PLEKHA7: variants seen among roughly 807,000 people sequenced by gnomAD.
PLEKHA7 encodes the protein pleckstrin homology domain containing A7, also known as pleckstrin homology domain-containing family A member 7.
PLEKHA7 carries 104 observed loss-of-function variants against 170.0 expected under a neutral mutation model. That is an observed-to-expected ratio of 0.61 (90% confidence interval 0.52 to 0.72). The LOEUF (loss-of-function observed/expected upper bound fraction) is 0.72, where lower values mean the gene tolerates loss of function less well. PLEKHA7 is among the 30% of genes least tolerant of loss of function. The probability of loss-of-function intolerance (pLI) is 0.00; values close to 1 mark genes in which losing one functional copy is unlikely to be tolerated. For synonymous variants in PLEKHA7, 648 were observed against 660.8 expected (o/e 0.98, Z 0.30); for missense variants, 1,615 against 1,671.7 (o/e 0.97, Z 0.59).
At position 16,778,623 on chromosome 11, in the gene PLEKHA7, C is replaced by CACCCCTATT; in HGVS notation, c.*374_*375insAATAGGGGT. On this transcript the variant is annotated 3_prime_UTR_variant, in exon 27 of 27. Coordinates refer to ENST00000531066, the MANE Select transcript of PLEKHA7 (RefSeq NM_001329630.2). The stretch of plus-strand genomic sequence containing the variant: ...GCCTCGGCTTGCCCCGCCCTTCCTG[C>CACCCCTATT]CCCCACAACACCTGTCACCCAGAAG... 2 of 275,610 alleles carry CACCCCTATT rather than the reference C, an allele frequency of 7.3e-6. No homozygotes were observed. The highest frequency in any genetic ancestry group is 1.4e-5 in the Non-Finnish European group (2 of 140,236). 17.1% of individuals were successfully genotyped at this position (275,610 alleles called of 1,614,324 possible). A position where few individuals can be genotyped will look rare whatever the true frequency, so the allele number is the denominator to read the frequency against.
chr11:16,962,813 A>C (rs1242372712), intron 3 of PLEKHA7, among the ~76,000 whole-genome samples: 1 of 152,192 alleles, frequency 6.6e-6, no homozygotes, highest in Non-Finnish European at 1.5e-5. Flanking sequence ...TTGTGTTTCT[A>C]AGAATGTCTC....
rs1847831988 is a variant in PLEKHA7 at position 16,791,243 on chromosome 11, T to C, written c.2746-44A>G. On this transcript the variant is annotated intron_variant, in intron 19 of 26. Coordinates refer to ENST00000531066, the MANE Select transcript of PLEKHA7 (RefSeq NM_001329630.2). The surrounding 1 kb of genome is among the most constrained non-coding windows in gnomAD (Gnocchi z 4.5). ...AGACCAGTGGTCAGCGAGACGGAGC[T>C]GGAGGGAGGACTGCTAGGTACTGCC... 6.5e-7 allele frequency: 1 copy of C among 1,527,616 alleles called. No individual in the cohort carries two copies. Among genetic ancestry groups the C allele is most frequent in the Admixed American group, 2.0e-5 (1 of 49,534 alleles). 94.6% of individuals were successfully genotyped at this position (1,527,616 alleles called of 1,614,324 possible).
At chr11:16,892,457 TTG>T (rs1376469671) in intron 3 of PLEKHA7, among the ~76,000 whole-genome samples, 2,989 of 118,094 alleles carry the variant, frequency 0.025, 53 homozygotes, top group Non-Finnish European at 0.038. Context: ...TTGTTTTGTT[TTG>T]TTTTGAGATA....
At chr11:16,890,914 T>C (rs1590496854) in intron 3 of PLEKHA7, among the ~76,000 whole-genome samples, 1 of 152,204 alleles carries the variant, frequency 6.6e-6, no homozygotes, top group East Asian at 1.9e-4. Context: ...TTTTCAAATG[T>C]CTTTAGAGTC....
intron 3 of PLEKHA7, among the ~76,000 whole-genome samples, chr11:17,001,634 T>TA (rs1864668209): frequency 6.6e-6 from 1 of 151,744 alleles, no homozygotes; most frequent in Admixed American, 6.6e-5. Context: ...CCCTGCACCA[T>TA]AGAGTGTGAT....
chr11:16,888,562 G>C (rs1446986670), intron 3 of PLEKHA7, among the ~76,000 whole-genome samples: 12 of 152,296 alleles, frequency 7.9e-5, no homozygotes, highest in African/African-American at 2.9e-4. Flanking sequence ...CGTGCTCTCT[G>C]AAACATGTGC....
chr11:16,824,346 G>T lies in PLEKHA7; in HGVS notation c.1343+1774C>A, dbSNP rs140647792. ...GTTCGAATCCAGCCTGGTCAACATA[G>T]CAAGATTACATCTTTATTTTAATTT... On this transcript the variant is annotated intron_variant, in intron 10 of 26. Transcript: ENST00000531066. Among the ~76,000 whole-genome samples, 6 of 152,214 alleles carry T rather than the reference G, an allele frequency of 3.9e-5. No individual in the cohort carries two copies. In the East Asian group the frequency reaches 7.7e-4, roughly 20 times the overall value.
chr11:16,790,224 C>G, intron 21 of PLEKHA7: 1 of 303,396 alleles, frequency 3.3e-6, no homozygotes, highest in Non-Finnish European at 6.3e-6. Flanking sequence ...CCTGCACAAC[C>G]CAACTTGGGG....
At chr11:16,905,413 AT>A (rs1261975025) in intron 3 of PLEKHA7, among the ~76,000 whole-genome samples, 1 of 152,138 alleles carries the variant, frequency 6.6e-6, no homozygotes, top group African/African-American at 2.4e-5. Flanking sequence ...CCTTCATAGT[AT>A]AAAAGAATTT....
chr11:16,782,309 A>AG (rs1849092345), intron 26 of PLEKHA7, among the ~76,000 whole-genome samples: 1 of 152,200 alleles, frequency 6.6e-6, no homozygotes, highest in Admixed American at 6.5e-5. Context: ...AGACGAAGGC[A>AG]GGGGGCCAGG....
intron 3 of PLEKHA7, among the ~76,000 whole-genome samples, chr11:16,881,991 G>A (rs549299461): frequency 1.3e-5 from 2 of 152,236 alleles, no homozygotes; most frequent in East Asian, 3.9e-4. Flanking sequence ...GAGAAACCAG[G>A]CACCAAAGTG....
At chr11:16,782,002 G>C (rs1485767730) in intron 26 of PLEKHA7, among the ~76,000 whole-genome samples, 1 of 152,044 alleles carries the variant, frequency 6.6e-6, no homozygotes, top group Non-Finnish European at 1.5e-5. Flanking sequence ...CACACAAGCA[G>C]GTGAGCTGTG....
Position 16,854,882 on chromosome 11 carries a change from T to A in PLEKHA7, c.522+7A>T, listed in dbSNP as rs762579971. The A allele has an allele frequency of 6.2e-7, 1 of 1,612,628 alleles. No homozygotes were observed. Among genetic ancestry groups the A allele is most frequent in the South Asian group, 1.1e-5 (1 of 91,032 alleles). On this transcript the variant is annotated splice_region_variant and intron_variant, in intron 6 of 26. Coordinates refer to ENST00000531066, the MANE Select transcript of PLEKHA7 (RefSeq NM_001329630.2). ...CCTCCAGGATTCTCACTCCTCGGCT[T>A]CCTCACCTGCTTGTGCAGCCAGCCC...
intron 3 of PLEKHA7, among the ~76,000 whole-genome samples, chr11:16,969,757 C>T (rs1400708827): frequency 6.6e-6 from 1 of 152,168 alleles, no homozygotes; most frequent in Non-Finnish European, 1.5e-5. Context: ...AAGGCAGGGC[C>T]CCCAAAATGC....
chr11:16,814,532 C>G (rs1454614876), intron 12 of PLEKHA7, among the ~76,000 whole-genome samples: 1 of 152,188 alleles, frequency 6.6e-6, no homozygotes, highest in Non-Finnish European at 1.5e-5. Context: ...AGCCCCCTAG[C>G]CAGTCCTTGA....
intron 25 of PLEKHA7, 60 bp downstream of exon 25, chr11:16,783,640 G>T: frequency 7.5e-7 from 1 of 1,333,720 alleles, no homozygotes; most frequent in Non-Finnish European, 9.6e-7. Context: ...GGGCCCACAT[G>T]GTAGAGACGC....
At chr11:16,787,072 C>T (rs1421166974) in intron 23 of PLEKHA7, 3 of 985,266 alleles carry the variant, frequency 3.0e-6, no homozygotes, top group African/African-American at 1.7e-5. Context: ...TTCACAGTAT[C>T]AACTTTGTAA....
At chr11:16,971,266 G>A (rs535204760) in intron 3 of PLEKHA7, among the ~76,000 whole-genome samples, 9 of 152,290 alleles carry the variant, frequency 5.9e-5, no homozygotes, top group Admixed American at 5.2e-4. Flanking sequence ...AACACTCACT[G>A]AGAACCTCCA....
At chr11:16,877,588 T>C (rs1337118543) in intron 3 of PLEKHA7, among the ~76,000 whole-genome samples, 1 of 152,236 alleles carries the variant, frequency 6.6e-6, no homozygotes, top group Non-Finnish European at 1.5e-5. Flanking sequence ...AAGCTTGCAC[T>C]ATTTTGACAA....
Sources: allele counts gnomAD v4.1 joint callset (sites outside exome capture counted in the v4.1 genomes callset), GRCh38; gene constraint gnomAD v4.1.1; non-coding constraint Gnocchi (gnomAD v3.1); transcripts MANE v1.5; gene names NCBI Gene and HGNC (gene_info 2026-07-23, HGNC 2026-07-21).